The following GALNT13 variants were observed in gnomAD, a reference collection of about 807,000 sequenced individuals.
The protein encoded by GALNT13 is UDP-GalNAc:polypeptide N-acetylgalactosaminyltransferase 13.
GALNT13 carries 28 observed loss-of-function variants against 64.2 expected under a neutral mutation model. The ratio of observed to expected loss-of-function variants is 0.44; its 90% CI spans 0.32 to 0.60. GALNT13 has a LOEUF of 0.60. Ranked by LOEUF, GALNT13 falls within the 20% of genes least tolerant of loss-of-function variation. The probability of loss-of-function intolerance (pLI) is 0.05; values close to 1 mark genes in which losing one functional copy is unlikely to be tolerated. For synonymous variants in GALNT13, 214 were observed against 224.6 expected, an observed-to-expected ratio of 0.95 and a Z score of 0.42; for missense variants, 577 against 669.8, an observed-to-expected ratio of 0.86 and a Z score of 1.53.
chr2:154,152,716 A>G (rs1036038028), intron 4 of GALNT13, among the ~76,000 whole-genome samples: 4 of 152,100 alleles, frequency 2.6e-5, no homozygotes, highest in Non-Finnish European at 5.9e-5. Context: ...CTTCCAGTTG[A>G]TCGCATCGGC....
intron 4 of GALNT13, among the ~76,000 whole-genome samples, chr2:154,150,500 A>C (rs202067435): frequency 2.0e-5 from 3 of 150,752 alleles, no homozygotes; most frequent in African/African-American, 4.9e-5. Flanking sequence ...TTTCAGAAGG[A>C]ATGGTACCAG....
At chr2:154,330,989 T>C (rs1281018009) in intron 9 of GALNT13, among the ~76,000 whole-genome samples, 1 of 152,066 alleles carries the variant, frequency 6.6e-6, no homozygotes, top group African/African-American at 2.4e-5. Context: ...GGACAAAAGA[T>C]ATAGGAGTAA....
chr2:154,403,707 T>C (rs1409585385), intron 10 of GALNT13, among the ~76,000 whole-genome samples: 4 of 152,146 alleles, frequency 2.6e-5, no homozygotes, highest in Non-Finnish European at 5.9e-5. Flanking sequence ...CCAGGCCTAA[T>C]ACCAGGTTGC....
chr2:153,572,683 T>C, the GALNT13 span, among the ~76,000 whole-genome samples: 1 of 152,006 alleles, frequency 6.6e-6, no homozygotes, highest in Admixed American at 6.6e-5. Context: ...GTTTTCTTCT[T>C]AATTTCTTCA....
intron 4 of GALNT13, among the ~76,000 whole-genome samples, chr2:154,211,154 T>C (rs922528589): frequency 7.9e-5 from 12 of 152,256 alleles, no homozygotes; most frequent in African/African-American, 2.6e-4. Context: ...GTCCTTAGGT[T>C]ATTTTGTCAT....
the GALNT13 span, among the ~76,000 whole-genome samples, chr2:153,119,791 T>A: frequency 6.6e-6 from 1 of 152,168 alleles, no homozygotes; most frequent in African/African-American, 2.4e-5. Flanking sequence ...TTCTGAGATG[T>A]GAGTTTTGTA....
chr2:153,939,065 C>A (rs376439426), intron 2 of GALNT13, among the ~76,000 whole-genome samples: 66 of 152,184 alleles, frequency 4.3e-4, no homozygotes, highest in African/African-American at 1.4e-3. Context: ...ACAAAAAAAA[C>A]CCCACAATTT....
chr2:153,833,680 G>A, the GALNT13 span, among the ~76,000 whole-genome samples: 2 of 152,114 alleles, frequency 1.3e-5, no homozygotes, highest in African/African-American at 4.8e-5. Context: ...TAGGCGTCTT[G>A]AAATGAATCT....
At chr2:154,387,995 A>G (rs1698596337) in intron 9 of GALNT13, among the ~76,000 whole-genome samples, 1 of 152,172 alleles carries the variant, frequency 6.6e-6, no homozygotes, top group African/African-American at 2.4e-5. Context: ...AGGAAGCTCC[A>G]TACCACTTTT....
At chr2:154,012,925 T>C (rs564806419) in intron 3 of GALNT13, among the ~76,000 whole-genome samples, 158 of 152,124 alleles carry the variant, frequency 1.0e-3, no homozygotes, top group African/African-American at 3.4e-3. Flanking sequence ...GTATCTATCT[T>C]AAAACGGCCA....
the GALNT13 span, among the ~76,000 whole-genome samples, chr2:153,630,808 T>TATATATATATATATATATA: frequency 5.9e-5 from 1 of 16,984 alleles, no homozygotes; most frequent in African/African-American, 2.4e-4. Flanking sequence ...TATATATATA[T>TATATATATATATATATATA]TTTTTTTTTT....
chr2:154,251,641 C>T (rs914069911), intron 7 of GALNT13, among the ~76,000 whole-genome samples: 1 of 152,136 alleles, frequency 6.6e-6, no homozygotes, highest in African/African-American at 2.4e-5. Flanking sequence ...TACAGAAAGC[C>T]ACATCTTCAT....
At chr2:153,998,056 G>T (rs1695640764) in intron 3 of GALNT13, among the ~76,000 whole-genome samples, 1 of 152,118 alleles carries the variant, frequency 6.6e-6, no homozygotes, top group African/African-American at 2.4e-5. Flanking sequence ...ATGGGCATTT[G>T]GGTTGGTTCT....
intron 8 of GALNT13, among the ~76,000 whole-genome samples, chr2:154,263,095 T>C (rs1690791163): frequency 6.6e-6 from 1 of 151,948 alleles, no homozygotes; most frequent in African/African-American, 2.4e-5. Flanking sequence ...ACTCAGAGCA[T>C]GGGAAAAAAT....
chr2:153,849,175 T>C, the GALNT13 span, among the ~76,000 whole-genome samples: 1 of 152,028 alleles, frequency 6.6e-6, no homozygotes, highest in Admixed American at 6.5e-5. Flanking sequence ...AATAAGAGAG[T>C]AAAAACCACA....
chr2:153,735,153 T>C, the GALNT13 span, among the ~76,000 whole-genome samples: 1 of 152,196 alleles, frequency 6.6e-6, no homozygotes, highest in Admixed American at 6.5e-5. Flanking sequence ...TCAGAGAGTT[T>C]AATTAATATA....
At chr2:153,734,168 G>GT in the GALNT13 span, among the ~76,000 whole-genome samples, 1 of 152,118 alleles carries the variant, frequency 6.6e-6, no homozygotes. Context: ...AAAGGTGCTT[G>GT]TTTTTCATGT....
chr2:153,105,661 C>T, the GALNT13 span, among the ~76,000 whole-genome samples: 1 of 152,152 alleles, frequency 6.6e-6, no homozygotes, highest in Non-Finnish European at 1.5e-5. Flanking sequence ...TGATAAGCAA[C>T]TTCAGCAAAG....
chr2:153,771,534 G>A, the GALNT13 span, among the ~76,000 whole-genome samples: 1 of 152,040 alleles, frequency 6.6e-6, no homozygotes, highest in Non-Finnish European at 1.5e-5. Flanking sequence ...GGATTGTGTA[G>A]TCTCCTAATC....
Sources: allele counts gnomAD v4.1 joint callset (sites outside exome capture counted in the v4.1 genomes callset), GRCh38; gene constraint gnomAD v4.1.1; transcripts MANE v1.5; gene names NCBI Gene and HGNC (gene_info 2026-07-23, HGNC 2026-07-21).